Variants in ZNF790 observed in about 807,000 individuals in gnomAD.
The protein encoded by ZNF790 is zinc finger protein 790.
In ZNF790, 8 loss-of-function variants were observed where a neutral mutation model predicts 12.1. That is an observed-to-expected ratio of 0.66 (90% CI 0.39 to 1.19). ZNF790 has a LOEUF of 1.19. ZNF790 is among the 50% of genes most tolerant of loss of function. The probability of loss-of-function intolerance (pLI) is 0.01; values close to 1 mark genes in which losing one functional copy is unlikely to be tolerated. For synonymous variants in ZNF790, 252 were observed against 244.3 expected (o/e 1.03, Z -0.29); for missense variants, 707 against 752.2 (o/e 0.94, Z 0.70).
At chr19:36,826,566 A>G (rs2071804020) in intron 1 of ZNF790, among the ~76,000 whole-genome samples, 1 of 145,586 alleles carries the variant, frequency 6.9e-6, no homozygotes, top group Non-Finnish European at 1.5e-5. Context: ...CTGGCGACAC[A>G]GCGAGACTCG....
chr19:36,844,323 A>G (rs2072157069), intron 1 of ZNF790, among the ~76,000 whole-genome samples: 1 of 147,784 alleles, frequency 6.8e-6, no homozygotes, highest in African/African-American at 2.7e-5. Flanking sequence ...AAACAAAACA[A>G]AACAAAAAAC....
intron 4 of ZNF790, 34 bp downstream of exon 4, chr19:36,823,251 A>G (rs1179711761): frequency 1.9e-6 from 3 of 1,576,084 alleles, no homozygotes; most frequent in Admixed American, 3.4e-5. Context: ...ATCCACAACA[A>G]TGGCCTCCTT....
intron 1 of ZNF790, among the ~76,000 whole-genome samples, chr19:36,831,752 T>C (rs2071949372): frequency 6.6e-6 from 1 of 152,138 alleles, no homozygotes; most frequent in South Asian, 2.1e-4. Context: ...TCTAAAACGA[T>C]GGTTGTAGCT....
Position 36,818,858 on chromosome 19 carries a change from G to A in ZNF790, c.1486C>T (p.His496Tyr). Residue 496 changes from histidine (H) to tyrosine (Y), a missense_variant, in exon 5 of 5, where the codon CAC becomes TAC. By Grantham distance (83) the His-to-Tyr change is moderately conservative. Coordinates refer to ENST00000356725, the MANE Select transcript of ZNF790 (RefSeq NM_206894.4). ...TFFRGSELNR[H>Y]QKIHTGKRPY... ...CTCTTTCCAGTATGAATTTTCTGGT[G>A]TCGATTAAGTTCTGAACCACGAAAA... 2 of 1,613,550 alleles carry A rather than the reference G, an allele frequency of 1.2e-6. No homozygotes were observed. The highest frequency in any genetic ancestry group is 1.7e-6 in the Non-Finnish European group (2 of 1,179,858).
chr19:36,823,278 C>T lies in ZNF790; in HGVS notation c.229+7G>A. The T allele has an allele frequency of 6.2e-7, 1 of 1,612,872 alleles. No individual in the cohort carries two copies. Among genetic ancestry groups the T allele is most frequent in the South Asian group, 1.1e-5 (1 of 90,972 alleles). On this transcript the variant is annotated splice_region_variant and intron_variant, in intron 4 of 4. Transcript: ENST00000356725. Reference sequence around the variant, plus strand: ...GGCCTCCTTGTGCGTGTTCAGCCCTCACTCACCTGGGCAAGGTCCTCTTGT... The same window carrying T: ...GGCCTCCTTGTGCGTGTTCAGCCCTTACTCACCTGGGCAAGGTCCTCTTGT...
At position 36,830,922 on chromosome 19, in the gene ZNF790, G is replaced by A. The variant is rs529962455; in HGVS notation, c.-73-5230C>T. Among the ~76,000 whole-genome samples the A allele has an allele frequency of 5.3e-5, 8 of 152,246 alleles. No homozygotes were observed. In the East Asian group the frequency reaches 9.7e-4, roughly 18 times the overall value. ...TGGGAGGCCAAAGCGGGCGGATCACGAGGTCAGGAGATCGAGACCATCCTG... is the reference window on the plus strand; with the variant it reads ...TGGGAGGCCAAAGCGGGCGGATCACAAGGTCAGGAGATCGAGACCATCCTG... On this transcript the variant is annotated intron_variant, in intron 1 of 4. Transcript: ENST00000356725.
chr19:36,820,244 G>A, intron 4 of ZNF790, 130 bp from the exon 5 acceptor site: 5 of 946,098 alleles, frequency 5.3e-6, no homozygotes, highest in South Asian at 4.3e-5. Context: ...TCTCAAATAT[G>A]AGCAATATGA....
Position 36,819,748 on chromosome 19 carries a change from C to T in ZNF790, c.596G>A (p.Gly199Glu). ...QLIHTSEKFC[G>E]DKECGNTFLP... Reference sequence around the variant, plus strand: ...AAAGGTATTCCCACATTCTTTATCTCCACAGAATTTCTCACTTGTGTGAAT... The same window carrying T: ...AAAGGTATTCCCACATTCTTTATCTTCACAGAATTTCTCACTTGTGTGAAT... Residue 199 changes from glycine to glutamate, a missense_variant, in exon 5 of 5, where the codon GGA becomes GAA. Coordinates refer to ENST00000356725, the MANE Select transcript of ZNF790 (RefSeq NM_206894.4). 6.2e-7 allele frequency: 1 copy of T among 1,613,636 alleles called. No individual in the cohort carries two copies.
At chr19:36,843,253 T>C (rs555190699), upstream of ZNF790, among the ~76,000 whole-genome samples, 13 of 152,218 alleles carry the variant, frequency 8.5e-5, no homozygotes, top group Non-Finnish European at 1.6e-4. Context: ...ACTTGAACTC[T>C]ACATAAGGCT....
chr19:36,820,452 T>A (rs1047484344), intron 4 of ZNF790, among the ~76,000 whole-genome samples: 4 of 152,204 alleles, frequency 2.6e-5, no homozygotes, highest in African/African-American at 9.6e-5. Context: ...CTTATATAAT[T>A]CAGAGCTTAA....
chr19:36,819,658 T>G lies in ZNF790; in HGVS notation c.686A>C (p.Lys229Thr). ...VHTVKKTYECKECGKSFSLRS... is the reference protein window; with the variant it reads ...VHTVKKTYECTECGKSFSLRS... ...TAAACTAAAAGACTTCCCACATTCTTTACATTCATATGTTTTCTTAACAGT... is the reference window on the plus strand; with the variant it reads ...TAAACTAAAAGACTTCCCACATTCTGTACATTCATATGTTTTCTTAACAGT... Residue 229 changes from lysine (K) to threonine (T), a missense_variant, in exon 5 of 5, where the codon AAA (lysine) becomes ACA (threonine). Physicochemically the swap from Lys to Thr is moderately conservative, Grantham distance 78 (BLOSUM62 -1). Coordinates refer to ENST00000356725, the MANE Select transcript of ZNF790 (RefSeq NM_206894.4). 1 of 1,609,522 alleles carries G rather than the reference T, an allele frequency of 6.2e-7. No individual in the cohort carries two copies. The highest frequency in any genetic ancestry group is 8.5e-7 in the Non-Finnish European group (1 of 1,177,624).
chr19:36,821,799 G>C (rs890854589), intron 4 of ZNF790, among the ~76,000 whole-genome samples: 1 of 152,050 alleles, frequency 6.6e-6, no homozygotes, highest in Non-Finnish European at 1.5e-5. Flanking sequence ...GTCCAGGCTG[G>C]TTTTGAACTC....
chr19:36,847,437 AT>A (rs2146098474), intron 1 of ZNF790, among the ~76,000 whole-genome samples: 1 of 152,290 alleles, frequency 6.6e-6, no homozygotes, highest in Admixed American at 6.5e-5. Context: ...CAAAATTTAT[AT>A]AGTGAAACTT....
chr19:36,825,285 C>T (rs144212826), intron 2 of ZNF790, among the ~76,000 whole-genome samples: 2,631 of 152,340 alleles, frequency 0.017, 29 homozygotes, highest in Middle Eastern at 0.031. Flanking sequence ...TGTAGTATGT[C>T]CCCTTTAATT....
intron 1 of ZNF790, among the ~76,000 whole-genome samples, chr19:36,835,289 T>A (rs181840702): frequency 0.018 from 2,583 of 139,672 alleles, 57 homozygotes; most frequent in African/African-American, 0.079. Flanking sequence ...TCAAAAAAAA[T>A]AAAATAAAAT....
chr19:36,820,891 TC>T (rs1377781263), intron 4 of ZNF790, among the ~76,000 whole-genome samples: 4 of 133,050 alleles, frequency 3.0e-5, no homozygotes, highest in African/African-American at 6.1e-5. Flanking sequence ...TGAGACCCTG[TC>T]TTTTTTTTTT....
rs760566048 is a variant in ZNF790, at chr19:36,823,364, C to G, written c.150G>C (p.Gln50His). The change falls in exon 4 of 5, where the codon CAG becomes CAC. Residue 50 changes from glutamine (Q) to histidine (H), a missense_variant. Gln to His is a conservative substitution (Grantham distance 24). Transcript: ENST00000356725. ...TCTCCAATAAAGAGAACGCTTCTGG[C>G]TGATAAATGCAAAAACCTGCCCAGA... is the stretch of plus-strand genomic sequence containing the variant. ...NMVSLGFCIY[Q>H]PEAFSLLEKG... 1 of 1,613,996 alleles carries G rather than the reference C, an allele frequency of 6.2e-7. No individual in the cohort carries two copies. Among genetic ancestry groups the G allele is most frequent in the Non-Finnish European group, 8.5e-7 (1 of 1,179,984 alleles).
intron 1 of ZNF790, among the ~76,000 whole-genome samples, chr19:36,843,605 A>G (rs2072149390): frequency 1.3e-5 from 2 of 152,190 alleles, no homozygotes; most frequent in Admixed American, 6.5e-5. Flanking sequence ...AATTCTCTAA[A>G]GGAAGATATT....
chr19:36,833,473 A>G (rs975899355), intron 1 of ZNF790, among the ~76,000 whole-genome samples: 17 of 152,158 alleles, frequency 1.1e-4, no homozygotes, highest in African/African-American at 3.9e-4. Flanking sequence ...ATTACTACAA[A>G]TAGTTAAAGA....
Sources: gnomAD v4.1 joint callset for allele counts (sites outside exome capture counted in the v4.1 genomes callset) on GRCh38, gnomAD v4.1.1 for gene constraint, MANE v1.5 for transcripts, NCBI Gene and HGNC (gene_info 2026-07-23, HGNC 2026-07-21) for gene names.